Variants in ST18 observed in about 807,000 individuals in gnomAD.
The protein encoded by ST18 is ST18 C2H2C-type zinc finger transcription factor, also known as suppression of tumorigenicity 18 protein.
In ST18, 50 loss-of-function variants were observed where a neutral mutation model predicts 110.0. That is an observed-to-expected ratio of 0.45 (90% CI 0.36 to 0.58). The LOEUF (loss-of-function observed/expected upper bound fraction) is 0.58. Among genes scored for constraint, ST18 ranks in the 20% least tolerant of loss-of-function variants. The pLI is 0.00. For synonymous variants in ST18, 461 were observed against 452.4 expected, an observed-to-expected ratio of 1.02 and a Z score of -0.24; for missense variants, 1,306 against 1,280.1, an observed-to-expected ratio of 1.02 and a Z score of -0.31.
chr8:52,259,023 C>T (rs1006916465), intron 2 of ST18, among the ~76,000 whole-genome samples: 3 of 152,172 alleles, frequency 2.0e-5, no homozygotes, highest in Admixed American at 6.5e-5. Context: ...GGCCAGACCT[C>T]ATCCCTAGCT....
chr8:52,392,775 G>C (rs376099921), intron 2 of ST18, among the ~76,000 whole-genome samples: 1 of 152,182 alleles, frequency 6.6e-6, no homozygotes, highest in East Asian at 1.9e-4. Flanking sequence ...TACACACTAT[G>C]TAAATGAAGG....
intron 22 of ST18, among the ~76,000 whole-genome samples, chr8:52,130,165 A>AAGAAAGAAAGAG (rs753293510): frequency 5.0e-5 from 6 of 119,762 alleles, no homozygotes; most frequent in Non-Finnish European, 7.4e-5. Context: ...GAAAGAAAGA[A>AAGAAAGAAAGAG]AAAGAAAAGA....
chr8:52,253,628 A>T (rs2094421080), intron 2 of ST18, among the ~76,000 whole-genome samples: 1 of 152,166 alleles, frequency 6.6e-6, no homozygotes, highest in African/African-American at 2.4e-5. Flanking sequence ...CATACATAAA[A>T]CATCTTTTTA....
At chr8:52,170,947 G>A in intron 10 of ST18, among the ~76,000 whole-genome samples, 1 of 152,130 alleles carries the variant, frequency 6.6e-6, no homozygotes, top group East Asian at 1.9e-4. Context: ...TGGGTCCACT[G>A]CCCTGATTTT....
At position 52,152,151 on chromosome 8, in the gene ST18, G is replaced by A. The variant is rs377140974; in HGVS notation, c.1807-2174C>T. On this transcript the variant is annotated intron_variant, in intron 15 of 25. Coordinates refer to ENST00000689386, the MANE Select transcript of ST18 (RefSeq NM_001352837.2). ...TGACTTCACTGGGAGAGAGCGGGCG[G>A]CTCACTGGGGAGCAGGGTACAGATG... 1.7e-4 allele frequency among the ~76,000 whole-genome samples: 26 copies of A among 152,336 alleles called. No individual in the cohort carries two copies. The East Asian group carries it at 4.6e-3, about 27-fold the overall frequency.
At chr8:52,157,042 A>G (rs2060207427) in intron 15 of ST18, among the ~76,000 whole-genome samples, 1 of 152,192 alleles carries the variant, frequency 6.6e-6, no homozygotes, top group South Asian at 2.1e-4. Context: ...ATGCAGGATG[A>G]GCTCCGTGGA....
In ST18 at chr8:52,381,310, G is replaced by A. The variant is rs556884415; in HGVS notation, c.-465+28018C>T. Among the ~76,000 whole-genome samples, 32 of 152,168 alleles carry A rather than the reference G, an allele frequency of 2.1e-4. No individual in the cohort carries two copies. In the South Asian group the frequency reaches 6.2e-3, roughly 30 times the overall value. On this transcript the variant is annotated intron_variant, in intron 2 of 25. Coordinates refer to ENST00000689386, the MANE Select transcript of ST18 (RefSeq NM_001352837.2). ...AACGTCTTCTCAGATGATTCCAGAC[G>A]TCATTCCCCAACAAAGACAGTCGGC...
chr8:52,389,616 G>C (rs1838529932), intron 2 of ST18, among the ~76,000 whole-genome samples: 1 of 152,142 alleles, frequency 6.6e-6, no homozygotes, highest in Admixed American at 6.5e-5. Context: ...GAAGCGCAGA[G>C]CAGGGATGGA....
intron 2 of ST18, among the ~76,000 whole-genome samples, chr8:52,377,820 A>G (rs1318597132): frequency 1.3e-5 from 2 of 152,182 alleles, no homozygotes; most frequent in South Asian, 2.1e-4. Flanking sequence ...TTGCAGCACT[A>G]TTCACAATAG....
chr8:52,357,679 ATATATATATATATAT>A (rs1564567984), intron 2 of ST18, among the ~76,000 whole-genome samples: 4 of 19,716 alleles, frequency 2.0e-4, no homozygotes, highest in African/African-American at 2.5e-4. Flanking sequence ...ATCTATAAAT[ATATATATATATATAT>A]ATATATATAT....
At position 52,111,379 on chromosome 8, in the gene ST18, G is replaced by C. The variant is rs1242438400; in HGVS notation, c.*1819C>G. 5.3e-5 allele frequency: 9 copies of C among 170,540 alleles called. No individual in the cohort carries two copies. In the East Asian group the frequency reaches 1.4e-3, roughly 26 times the overall value. The allele number at this position is 170,540 out of a possible 1,614,324, so 10.6% of individuals were successfully genotyped here. ...TTTGGTGTCCCATTTATAATAGACA[G>C]CACATATGGTAGCTCATTTTTTAAA... On this transcript the variant is annotated 3_prime_UTR_variant, in exon 26 of 26. Transcript: ENST00000689386.
chr8:52,223,622 C>T (rs1588836260), intron 3 of ST18, among the ~76,000 whole-genome samples: 1 of 146,068 alleles, frequency 6.8e-6, no homozygotes, highest in Non-Finnish European at 1.5e-5. Context: ...CCAGCCTGAG[C>T]AACAGAGTGA....
At chr8:52,333,914 C>G (rs1340913545) in intron 2 of ST18, among the ~76,000 whole-genome samples, 1 of 141,246 alleles carries the variant, frequency 7.1e-6, no homozygotes, top group African/African-American at 2.7e-5. Context: ...CTCAGAAAAG[C>G]CAATGGGCTC....
intron 2 of ST18, among the ~76,000 whole-genome samples, chr8:52,293,121 T>C (rs1032231057): frequency 6.6e-6 from 1 of 152,244 alleles, no homozygotes; most frequent in Non-Finnish European, 1.5e-5. Context: ...TTGCCACTTG[T>C]GTGAGGCAGC....
At chr8:52,343,535 G>C (rs2140231341) in intron 2 of ST18, among the ~76,000 whole-genome samples, 1 of 152,294 alleles carries the variant, frequency 6.6e-6, no homozygotes, top group South Asian at 2.1e-4. Flanking sequence ...TCCGAGCAAA[G>C]TCCCCGTGGC....
chr8:52,262,916 G>C (rs1220970586), intron 2 of ST18, among the ~76,000 whole-genome samples: 1 of 152,170 alleles, frequency 6.6e-6, no homozygotes, highest in African/African-American at 2.4e-5. Context: ...CTGTCTCCCA[G>C]AAAACTCTTA....
chr8:52,399,368 T>C (rs773223049), intron 2 of ST18, among the ~76,000 whole-genome samples: 1 of 151,982 alleles, frequency 6.6e-6, no homozygotes, highest in Non-Finnish European at 1.5e-5. Flanking sequence ...ATTCTGTTTA[T>C]TTTTTTCAAG....
chr8:52,408,466 G>C (rs1395873862), intron 2 of ST18, among the ~76,000 whole-genome samples: 1 of 152,162 alleles, frequency 6.6e-6, no homozygotes, highest in Admixed American at 6.5e-5. Context: ...CCACAGTCAC[G>C]AGACAGAAAA....
chr8:52,146,453 T>G (rs2057303584), intron 16 of ST18, among the ~76,000 whole-genome samples: 2 of 152,156 alleles, frequency 1.3e-5, no homozygotes, highest in Admixed American at 1.3e-4. Flanking sequence ...TTCTTTTCCT[T>G]TTCCTCATTT....
Sources: allele counts gnomAD v4.1 joint callset (sites outside exome capture counted in the v4.1 genomes callset), GRCh38; gene constraint gnomAD v4.1.1; transcripts MANE v1.5; gene names NCBI Gene and HGNC (gene_info 2026-07-23, HGNC 2026-07-21).